The following SLC12A4 variants were observed in gnomAD, a reference collection of about 807,000 sequenced individuals.
SLC12A4 encodes the protein solute carrier family 12 member 4, also known as electroneutral potassium-chloride cotransporter 1.
Under a neutral mutation model 119.2 loss-of-function variants are expected in SLC12A4, and 84 were observed. The ratio of observed to expected loss-of-function variants is 0.70; its 90% CI spans 0.59 to 0.85. SLC12A4 has a LOEUF of 0.85. SLC12A4 is among the 40% of genes least tolerant of loss of function. SLC12A4 has a pLI of 0.00. For synonymous variants in SLC12A4, 599 were observed against 604.6 expected, an observed-to-expected ratio of 0.99 and a Z score of 0.14; for missense variants, 1,298 against 1,476.3, an observed-to-expected ratio of 0.88 and a Z score of 1.98.
rs751250757 is a variant in SLC12A4 at position 67,950,351 on chromosome 16, T to C, written c.1597A>G (p.Ile533Val). 1.2e-6 allele frequency: 2 copies of C among 1,613,996 alleles called. No homozygotes were observed. The highest frequency in any genetic ancestry group is 1.7e-6 in the Non-Finnish European group (2 of 1,180,006). ...LTGAPRLLQA[I>V]AKDNIIPFLR... ...AAGGGGATGATGTTGTCCTTGGCAATGGCCTGCAATAGGCGTGGTGCCCCT... is the reference window on the plus strand; with the variant it reads ...AAGGGGATGATGTTGTCCTTGGCAACGGCCTGCAATAGGCGTGGTGCCCCT... The change falls in exon 12 of 24, where the codon ATT becomes GTT. Residue 533 changes from isoleucine to valine, a missense_variant. By Grantham distance (29) the Ile-to-Val change is conservative. Coordinates refer to ENST00000316341, the MANE Select transcript of SLC12A4 (RefSeq NM_005072.5). The surrounding 1 kb of genome is among the most constrained non-coding windows in gnomAD (Gnocchi z 4.3).
Position 67,961,641 on chromosome 16 carries a change from G to A in SLC12A4, c.276C>T (p.Leu92=), listed in dbSNP as rs547150449. Residue 92 remains leucine (L), a synonymous_variant, in exon 3 of 24, where the codon CTC becomes CTT. Transcript: ENST00000316341. The stretch of plus-strand genomic sequence containing the variant: ...CCTCATGCTCTTTGGCGCCCTGGGT[G>A]AGGTTGGTGTAGCTGACGAGCTTTC... ...LLGKLVSYTN[L]TQGAKEHEEA... is the part of the protein sequence containing the mutation. The A allele has an allele frequency of 3.1e-6, 5 of 1,614,204 alleles. No individual in the cohort carries two copies. In the African/African-American group the frequency reaches 6.7e-5, roughly 22 times the overall value.
Position 67,952,393 on chromosome 16 carries a change from G to T in SLC12A4, c.708C>A (p.Tyr236Ter). The T allele has an allele frequency of 6.2e-7, 1 of 1,614,150 alleles. No homozygotes were observed. Among genetic ancestry groups the T allele is most frequent in the Non-Finnish European group, 8.5e-7 (1 of 1,179,994 alleles). Residue 236 changes from tyrosine (Y) to a stop codon, truncating the protein, a stop_gained, in exon 7 of 24, where the codon TAC becomes TAA. Transcript: ENST00000316341. LOFTEE classifies it high-confidence loss of function. ...TYIAPPAAIF[Y>*]PSGAHDTSNA... The stretch of plus-strand genomic sequence containing the variant: ...TCGACGTGTCATGAGCACCCGATGG[G>T]TAAAAAATGGCAGCTGGTGGGGCAA...
chr16:67,948,135 G>A lies in SLC12A4; in HGVS notation c.1773C>T (p.Phe591=), dbSNP rs891685212. Residue 591 remains phenylalanine, a synonymous_variant, in exon 14 of 24, where the codon TTC becomes TTT. Coordinates refer to ENST00000316341, the MANE Select transcript of SLC12A4 (RefSeq NM_005072.5). ...TCTGCACCGCACAGGCGAGGTTCAC[G>A]AACAGGTAGCACATCAGAAAGAACC... is the stretch of plus-strand genomic sequence containing the variant. The part of the protein sequence containing the change: ...LSMFFLMCYL[F]VNLACAVQTL... 2.5e-6 allele frequency: 4 copies of A among 1,613,246 alleles called. No homozygotes were observed. The highest frequency in any genetic ancestry group is 2.2e-5 in the East Asian group (1 of 44,878).
intron 1 of SLC12A4, among the ~76,000 whole-genome samples, chr16:67,964,361 G>C (rs2030764232): frequency 6.6e-6 from 1 of 152,176 alleles, no homozygotes; most frequent in South Asian, 2.1e-4. Flanking sequence ...GGAGTGAAAT[G>C]CTCCTTTTCA....
rs2058312868 is a variant in SLC12A4 at position 67,943,986 on chromosome 16, T to A, written c.*854A>T. 6.5e-7 allele frequency: 1 copy of A among 1,548,494 alleles called. No homozygotes were observed. The highest frequency in any genetic ancestry group is 1.4e-5 in the African/African-American group (1 of 73,082). ...CCGTGTGTGGTTACTGAGCTCAGCC[T>A]TGGGCGTGGTGTGCGGGGGGAAGAG... On this transcript the variant is annotated 3_prime_UTR_variant, in exon 24 of 24. Transcript: ENST00000316341. This position sits in a 1 kb window ranked among gnomAD's most constrained non-coding sequence, Gnocchi z 4.6.
chr16:67,954,778 A>C lies in SLC12A4; in HGVS notation c.545-5T>G, dbSNP rs750036355. On this transcript the variant is annotated splice_polypyrimidine_tract_variant and splice_region_variant and intron_variant, in intron 5 of 23. Coordinates refer to ENST00000316341, the MANE Select transcript of SLC12A4 (RefSeq NM_005072.5). Reference sequence around the variant, plus strand: ...TCATGAAATAGGAGCCCCCAGCTACAGCAGAGAAATGAAAGTGTGCACAGG... The same window carrying C: ...TCATGAAATAGGAGCCCCCAGCTACCGCAGAGAAATGAAAGTGTGCACAGG... 1 of 1,614,168 alleles carries C rather than the reference A, an allele frequency of 6.2e-7. No individual in the cohort carries two copies. Among genetic ancestry groups the C allele is most frequent in the Non-Finnish European group, 8.5e-7 (1 of 1,180,028 alleles).
chr16:67,945,230 G>A lies in SLC12A4; in HGVS notation c.3033-10C>T, dbSNP rs1376591087. On this transcript the variant is annotated splice_polypyrimidine_tract_variant and intron_variant, in intron 22 of 23. Coordinates refer to ENST00000316341, the MANE Select transcript of SLC12A4 (RefSeq NM_005072.5). ...CACATTGGATTGGTCCCTACACGTA[G>A]TGTAGCCAGTCACAGGTCGCCATGA... The A allele has an allele frequency of 6.4e-7, 1 of 1,553,296 alleles. No individual in the cohort carries two copies. The highest frequency in any genetic ancestry group is 8.7e-7 in the Non-Finnish European group (1 of 1,147,344).
chr16:67,951,894 T>A lies in SLC12A4; in HGVS notation c.1061A>T (p.Asp354Val), dbSNP rs1162343986. The A allele has an allele frequency of 1.2e-6, 2 of 1,613,486 alleles. No individual in the cohort carries two copies. The highest frequency in any genetic ancestry group is 1.3e-5 in the African/African-American group (1 of 74,780). The change falls in exon 8 of 24, where the codon GAC becomes GTC. Residue 354 changes from aspartate (D) to valine (V), a missense_variant. By Grantham distance (152) the Asp-to-Val change is radical. Coordinates refer to ENST00000316341, the MANE Select transcript of SLC12A4 (RefSeq NM_005072.5). This position sits in a 1 kb window ranked among gnomAD's most constrained non-coding sequence, Gnocchi z 5.2. ...CACATTGTTGAGCATGAAGTAGGGG[T>A]CACAGGAGTCGGTCGTAAGGTTGGG... is the stretch of plus-strand genomic sequence containing the variant. ...HSPNLTTDSC[D>V]PYFMLNNVTE...
chr16:67,950,303 G>T lies in SLC12A4; in HGVS notation c.1629+16C>A, dbSNP rs1470294219. The T allele has an allele frequency of 1.9e-6, 3 of 1,612,308 alleles. No individual in the cohort carries two copies. The Admixed American group carries it at 5.0e-5, about 27-fold the overall frequency. Reference sequence around the variant, plus strand: ...CTGGGAGCAGCCAGGCCATGGGGGAGTGCAGAGGGGCTCACCCGGAGGAAG... The same window carrying T: ...CTGGGAGCAGCCAGGCCATGGGGGATTGCAGAGGGGCTCACCCGGAGGAAG... On this transcript the variant is annotated intron_variant, in intron 12 of 23. Transcript: ENST00000316341. This position sits in a 1 kb window ranked among gnomAD's most constrained non-coding sequence, Gnocchi z 4.3.
Position 67,944,549 on chromosome 16 carries a change from G to C in SLC12A4, c.*291C>G. 7.7e-7 allele frequency: 1 copy of C among 1,293,510 alleles called. No homozygotes were observed. The highest frequency in any genetic ancestry group is 9.8e-7 in the Non-Finnish European group (1 of 1,020,604). 80.1% of individuals were successfully genotyped at this position (1,293,510 alleles called of 1,614,324 possible). ...AGCGCTCCTGGGCTGGGCCGGGCCG[G>C]CTGCCTTCAAACCCCACTCGGCCCC... On this transcript the variant is annotated 3_prime_UTR_variant, in exon 24 of 24. Coordinates refer to ENST00000316341, the MANE Select transcript of SLC12A4 (RefSeq NM_005072.5). This position sits in a 1 kb window ranked among gnomAD's most constrained non-coding sequence, Gnocchi z 6.6.
chr16:67,945,153 G>T lies in SLC12A4; in HGVS notation c.3100C>A (p.His1034Asn). 6.3e-7 allele frequency: 1 copy of T among 1,598,324 alleles called. No individual in the cohort carries two copies. Among genetic ancestry groups the T allele is most frequent in the Admixed American group, 1.7e-5 (1 of 58,172 alleles). Residue 1034 changes from histidine (H) to asparagine (N), a missense_variant, in exon 23 of 24, where the codon CAC (histidine) becomes AAC (asparagine). Coordinates refer to ENST00000316341, the MANE Select transcript of SLC12A4 (RefSeq NM_005072.5). The part of the protein sequence containing the change: ...KLNEVIVTRS[H>N]DARLVLLNMP... The stretch of plus-strand genomic sequence containing the variant: ...TTTAGGAGAACCAGGCGGGCGTCGT[G>T]GGAGCGCGTGACAATGACTTCATTG...
In SLC12A4 at chr16:67,943,759, A is replaced by G; in HGVS notation, c.*1081T>C. The G allele has an allele frequency of 1.6e-6, 1 of 609,638 alleles. No individual in the cohort carries two copies. Among genetic ancestry groups the G allele is most frequent in the Non-Finnish European group, 2.8e-6 (1 of 353,944 alleles). The allele number at this position is 609,638 out of a possible 1,614,324, so 37.8% of individuals were successfully genotyped here. A position where few individuals can be genotyped will look rare whatever the true frequency, so the allele number is the denominator to read the frequency against. On this transcript the variant is annotated 3_prime_UTR_variant, in exon 24 of 24. Coordinates refer to ENST00000316341, the MANE Select transcript of SLC12A4 (RefSeq NM_005072.5). The surrounding 1 kb of genome is among the most constrained non-coding windows in gnomAD (Gnocchi z 4.6). ...CCCCTGGGTTAGACAACTGAGAGTCACAGTGTGGTGGGAGAAGGGACGTCA... is the reference window on the plus strand; with the variant it reads ...CCCCTGGGTTAGACAACTGAGAGTCGCAGTGTGGTGGGAGAAGGGACGTCA...
Position 67,948,096 on chromosome 16 carries a change from G to T in SLC12A4, c.1812C>A (p.Thr604=). ...LACAVQTLLR[T]PNWRPRFKYY... ...ACTTGAACCGGGGCCGCCAGTTGGG[G>T]GTCCTCAGGAGTGTCTGCACCGCAC... Residue 604 remains threonine, a synonymous_variant, in exon 14 of 24, where the codon ACC becomes ACA. Transcript: ENST00000316341. 1 of 1,613,248 alleles carries T rather than the reference G, an allele frequency of 6.2e-7. No homozygotes were observed. The highest frequency in any genetic ancestry group is 8.5e-7 in the Non-Finnish European group (1 of 1,180,008).
rs2058402840 is a variant in SLC12A4, at chr16:67,950,554, A to C, written c.1455-61T>G. ...CCGGAAGGATGGCACAGACCACCAA[A>C]GGCAGCCAGCAGGCTTAGGACCACC... On this transcript the variant is annotated intron_variant, in intron 11 of 23. Coordinates refer to ENST00000316341, the MANE Select transcript of SLC12A4 (RefSeq NM_005072.5). The surrounding 1 kb of genome is among the most constrained non-coding windows in gnomAD (Gnocchi z 4.3). 10 of 1,610,252 alleles carry C rather than the reference A, an allele frequency of 6.2e-6. No individual in the cohort carries two copies. The highest frequency in any genetic ancestry group is 7.6e-6 in the Non-Finnish European group (9 of 1,177,564).
At chr16:67,945,660 G>C (rs1373905249) in intron 21 of SLC12A4, 104 bp downstream of exon 21, 3 of 1,490,098 alleles carry the variant, frequency 2.0e-6, no homozygotes, top group Non-Finnish European at 2.8e-6. Context: ...ACTAGCTTGG[G>C]TAGGGCTGCG....
At chr16:67,966,197 T>C (rs1244131056) in intron 1 of SLC12A4, among the ~76,000 whole-genome samples, 4 of 152,178 alleles carry the variant, frequency 2.6e-5, no homozygotes, top group African/African-American at 7.2e-5. Context: ...CCAGATGCAC[T>C]AGAAAAGGGA....
chr16:67,953,760 G>A (rs964512490), intron 6 of SLC12A4, among the ~76,000 whole-genome samples: 3 of 152,146 alleles, frequency 2.0e-5, no homozygotes, highest in African/African-American at 4.8e-5. Flanking sequence ...AACCTGAATC[G>A]TTAAATAGCC....
intron 1 of SLC12A4, among the ~76,000 whole-genome samples, chr16:67,968,216 G>A (rs2030948754): frequency 6.6e-6 from 1 of 152,032 alleles, no homozygotes; most frequent in South Asian, 2.1e-4. Context: ...GGGAGGAGCT[G>A]GGGTGGAGAA....
intron 3 of SLC12A4, among the ~76,000 whole-genome samples, chr16:67,959,468 C>A (rs2030449234): frequency 6.6e-6 from 1 of 152,222 alleles, no homozygotes; most frequent in African/African-American, 2.4e-5. Context: ...TCACCTTAGA[C>A]AAGTTCCTTA....
Sources: allele counts gnomAD v4.1 joint callset (sites outside exome capture counted in the v4.1 genomes callset), GRCh38; gene constraint gnomAD v4.1.1; non-coding constraint Gnocchi (gnomAD v3.1); transcripts MANE v1.5; gene names NCBI Gene and HGNC (gene_info 2026-07-23, HGNC 2026-07-21).